Variants in ZNRF1 observed in about 807,000 individuals in gnomAD.
ZNRF1 encodes the protein E3 ubiquitin-protein ligase ZNRF1.
In ZNRF1, 3 loss-of-function variants were observed where a neutral mutation model predicts 18.4. The observed-to-expected ratio is 0.16, with a 90% confidence interval of 0.07 to 0.42. The LOEUF (loss-of-function observed/expected upper bound fraction) is 0.42. ZNRF1 is among the 10% of genes least tolerant of loss of function. The pLI, the probability that ZNRF1 is intolerant of heterozygous loss-of-function variation, is 0.99. For synonymous variants in ZNRF1, 157 were observed against 144.2 expected (o/e 1.09, Z -0.64); for missense variants, 310 against 329.8 (o/e 0.94, Z 0.47).
Position 75,108,639 on chromosome 16 carries a change from A to G in ZNRF1, c.*939A>G, listed in dbSNP as rs534268758. 2 of 398,980 alleles carry G rather than the reference A, an allele frequency of 5.0e-6. No homozygotes were observed. Among genetic ancestry groups the G allele is most frequent in the East Asian group, 3.6e-5 (1 of 28,054 alleles). The allele number at this position is 398,980 out of a possible 1,614,324, so 24.7% of individuals were successfully genotyped here. A position where few individuals can be genotyped will look rare whatever the true frequency, so the allele number is the denominator to read the frequency against. On this transcript the variant is annotated 3_prime_UTR_variant, in exon 5 of 5. Transcript: ENST00000335325. ...TTATAAAATGTTTAAAAAAATGTTC[A>G]AAGCTTGGGAGAAAAGCTTTCTTCA...
intron 1 of ZNRF1, among the ~76,000 whole-genome samples, chr16:75,031,168 G>A (rs1188484096): frequency 4.8e-5 from 7 of 146,884 alleles, no homozygotes; most frequent in Non-Finnish European, 6.0e-5. Context: ...GTCTTGCTCT[G>A]TTGCCCAGGC....
rs756911197 is a variant in ZNRF1 at position 74,999,855 on chromosome 16, A to G, written c.184A>G (p.Ser62Gly). 2.7e-6 allele frequency: 4 copies of G among 1,507,990 alleles called. No individual in the cohort carries two copies. In the South Asian group the frequency reaches 5.0e-5, roughly 19 times the overall value. 93.4% of individuals were successfully genotyped at this position (1,507,990 alleles called of 1,614,324 possible). A position where few individuals can be genotyped will look rare whatever the true frequency, so the allele number is the denominator to read the frequency against. ...GGTGGCAGGCATGGGCATGGACCCCAGCACGGCCGGGGGGGTGCCCTTTGG... is the reference window on the plus strand; with the variant it reads ...GGTGGCAGGCATGGGCATGGACCCCGGCACGGCCGGGGGGGTGCCCTTTGG... ...SSVAGMGMDPSTAGGVPFGLY... is the reference protein window; with the variant it reads ...SSVAGMGMDPGTAGGVPFGLY... The change falls in exon 1 of 5, where the codon AGC (serine) becomes GGC (glycine). Residue 62 changes from serine to glycine, a missense_variant. By Grantham distance (56) the Ser-to-Gly change is moderately conservative. This residue lies in a region of ZNRF1 where 293 missense variants were observed against 291.2 expected (regional missense o/e 1.01). Coordinates refer to ENST00000335325, the MANE Select transcript of ZNRF1 (RefSeq NM_032268.5).
intron 1 of ZNRF1, among the ~76,000 whole-genome samples, chr16:75,088,424 A>G (rs1371029585): frequency 5.3e-5 from 8 of 152,210 alleles, no homozygotes; most frequent in African/African-American, 2.4e-5. Context: ...AGAACTCCAG[A>G]TAGTTATAAC....
intron 1 of ZNRF1, among the ~76,000 whole-genome samples, chr16:75,045,034 G>A (rs1297744100): frequency 6.6e-6 from 1 of 152,180 alleles, no homozygotes; most frequent in Non-Finnish European, 1.5e-5. Context: ...TTTCTGTAAT[G>A]TGGGAAACAA....
chr16:75,072,609 G>C (rs768169442), intron 1 of ZNRF1, among the ~76,000 whole-genome samples: 5 of 152,284 alleles, frequency 3.3e-5, no homozygotes, highest in African/African-American at 7.2e-5. Context: ...AGACAGTAAC[G>C]TATGCACAAA....
chr16:75,098,360 C>G (rs1340099349), intron 2 of ZNRF1, among the ~76,000 whole-genome samples: 2 of 152,228 alleles, frequency 1.3e-5, no homozygotes, highest in African/African-American at 4.8e-5. Context: ...CGCTCCAGGC[C>G]TGAGCTTTAG....
At chr16:75,023,470 C>T (rs1435386277) in intron 1 of ZNRF1, among the ~76,000 whole-genome samples, 5 of 152,114 alleles carry the variant, frequency 3.3e-5, no homozygotes, top group Non-Finnish European at 1.5e-5. Context: ...GATCACCTGA[C>T]GTCAGGAGTT....
At position 75,056,937 on chromosome 16, in the gene ZNRF1, A is replaced by G. The variant is rs565119559; in HGVS notation, c.425-36635A>G. On this transcript the variant is annotated intron_variant, in intron 1 of 4. Transcript: ENST00000335325. Reference sequence around the variant, plus strand: ...CAGGCCTGAGCCACTGCGCCTGGTCAGGAAAAGACTTTTTAATGCCACTAG... The same window carrying G: ...CAGGCCTGAGCCACTGCGCCTGGTCGGGAAAAGACTTTTTAATGCCACTAG... Among the ~76,000 whole-genome samples, 18 of 151,256 alleles carry G rather than the reference A, an allele frequency of 1.2e-4. No homozygotes were observed. The South Asian group carries it at 1.7e-3, about 14-fold the overall frequency.
At chr16:75,064,881 A>G (rs1237343889) in intron 1 of ZNRF1, among the ~76,000 whole-genome samples, 1 of 152,226 alleles carries the variant, frequency 6.6e-6, no homozygotes, top group Non-Finnish European at 1.5e-5. Flanking sequence ...GCCCTGCCAC[A>G]GCTCACCCTC....
chr16:75,070,642 C>A (rs1351392428), intron 1 of ZNRF1, among the ~76,000 whole-genome samples: 1 of 152,228 alleles, frequency 6.6e-6, no homozygotes, highest in Admixed American at 6.5e-5. Context: ...GTACTGACAT[C>A]CTAGGAACCC....
At chr16:75,039,731 G>C (rs1176185819) in intron 1 of ZNRF1, among the ~76,000 whole-genome samples, 1 of 152,220 alleles carries the variant, frequency 6.6e-6, no homozygotes, top group Non-Finnish European at 1.5e-5. Context: ...GGGTTGGTCT[G>C]TCAACAGGTG....
At chr16:75,047,230 C>T (rs1009285021) in intron 1 of ZNRF1, among the ~76,000 whole-genome samples, 11 of 152,158 alleles carry the variant, frequency 7.2e-5, no homozygotes, top group Admixed American at 2.6e-4. Flanking sequence ...TGGTGTGCAG[C>T]GGCATGATCA....
chr16:75,092,888 A>T (rs1485226389), intron 1 of ZNRF1, among the ~76,000 whole-genome samples: 1 of 152,198 alleles, frequency 6.6e-6, no homozygotes, highest in East Asian at 1.9e-4. Context: ...AGGCAGAAGA[A>T]TGTTAAACTG....
intron 1 of ZNRF1, among the ~76,000 whole-genome samples, chr16:75,007,501 T>C (rs911524188): frequency 6.6e-6 from 1 of 152,170 alleles, no homozygotes; most frequent in Non-Finnish European, 1.5e-5. Context: ...TGGATCCCTG[T>C]GAATTCCAAC....
At chr16:75,095,625 C>T (rs1468458270) in intron 2 of ZNRF1, 14 of 1,549,686 alleles carry the variant, frequency 9.0e-6, no homozygotes, top group South Asian at 1.2e-5. Flanking sequence ...CTCAGAGGGG[C>T]TCAGCCTGAG....
intron 1 of ZNRF1, among the ~76,000 whole-genome samples, chr16:75,077,211 T>C (rs1433184033): frequency 1.3e-5 from 2 of 151,974 alleles, no homozygotes; most frequent in Admixed American, 6.6e-5. Context: ...GCCAACATGG[T>C]GAAACCCCAT....
chr16:75,019,925 A>G (rs762891578), intron 1 of ZNRF1, among the ~76,000 whole-genome samples: 3 of 151,934 alleles, frequency 2.0e-5, no homozygotes, highest in Non-Finnish European at 2.9e-5. Context: ...GGGGTTCGCC[A>G]TGTTGCCCAG....
chr16:75,080,928 C>CT (rs1486681591), intron 1 of ZNRF1, among the ~76,000 whole-genome samples: 2 of 152,060 alleles, frequency 1.3e-5, no homozygotes, highest in East Asian at 3.9e-4. Context: ...AATCCCAGTA[C>CT]TTTGGGAGGC....
At position 75,000,745 on chromosome 16, in the gene ZNRF1, A is replaced by G. The variant is rs532309873; in HGVS notation, c.424+650A>G. Among the ~76,000 whole-genome samples, 5 of 152,304 alleles carry G rather than the reference A, an allele frequency of 3.3e-5. No homozygotes were observed. The South Asian group carries it at 6.2e-4, about 19-fold the overall frequency. ...CCCGGGCTGTGGTCACCCGTACTGC[A>G]TGCAGCAGGCTTGGCTCCGCGACTC... On this transcript the variant is annotated intron_variant, in intron 1 of 4. Coordinates refer to ENST00000335325, the MANE Select transcript of ZNRF1 (RefSeq NM_032268.5).
Sources: gnomAD v4.1 joint callset for allele counts (sites outside exome capture counted in the v4.1 genomes callset) on GRCh38, gnomAD v4.1.1 for gene constraint, gnomAD v4.1.1 regional missense constraint, MANE v1.5 for transcripts, NCBI Gene and HGNC (gene_info 2026-07-23, HGNC 2026-07-21) for gene names.